The following ADCY2 variants were observed in gnomAD, a reference collection of about 807,000 sequenced individuals.
ADCY2 encodes the protein adenylate cyclase 2.
In ADCY2, 31 loss-of-function variants were observed where a neutral mutation model predicts 125.2. That is an observed-to-expected ratio of 0.25 (90% CI 0.19 to 0.33). The LOEUF is 0.33. Ranked by LOEUF, ADCY2 falls within the 10% of genes least tolerant of loss-of-function variation. The pLI, the probability that ADCY2 is intolerant of heterozygous loss-of-function variation, is 1.00. For missense variants in ADCY2, 904 were observed against 1,418.2 expected (o/e 0.64, Z 5.82); for synonymous variants, 512 against 548.4 (o/e 0.93, Z 0.93).
At chr5:7,490,538 T>TG (rs2126487558) in intron 2 of ADCY2, among the ~76,000 whole-genome samples, 1 of 152,316 alleles carries the variant, frequency 6.6e-6, no homozygotes, top group East Asian at 1.9e-4. Flanking sequence ...TCTCCTAGTC[T>TG]GATTTTATTG....
intron 2 of ADCY2, among the ~76,000 whole-genome samples, chr5:7,517,504 T>G (rs1428110858): frequency 6.6e-6 from 1 of 152,186 alleles, no homozygotes; most frequent in Admixed American, 6.5e-5. Context: ...AAGAACATTC[T>G]CCCTATGGGA....
At position 7,709,898 on chromosome 5, in the gene ADCY2, C is replaced by A. The variant is rs1429962140; in HGVS notation, c.1578+511C>A. On this transcript the variant is annotated intron_variant, in intron 10 of 24. Coordinates refer to ENST00000338316, the MANE Select transcript of ADCY2 (RefSeq NM_020546.3). The surrounding 1 kb of genome is among the most constrained non-coding windows in gnomAD (Gnocchi z 4.4). ...AGAAAGCTCCTTACACCAGGGACAT[C>A]TGCGATAAGATGGCTGCAATGGAGA... Among the ~76,000 whole-genome samples the A allele has an allele frequency of 6.6e-6, 1 of 152,126 alleles. No homozygotes were observed. Among genetic ancestry groups the A allele is most frequent in the Non-Finnish European group, 1.5e-5 (1 of 68,034 alleles).
chr5:7,435,895 C>T (rs1740781486), intron 2 of ADCY2, among the ~76,000 whole-genome samples: 1 of 152,168 alleles, frequency 6.6e-6, no homozygotes, highest in South Asian at 2.1e-4. Flanking sequence ...TAATGGTGGA[C>T]TTCTGTAGAA....
At chr5:7,560,457 G>T (rs11134240) in intron 3 of ADCY2, among the ~76,000 whole-genome samples, 45,623 of 152,048 alleles carry the variant, frequency 0.3, 8,004 homozygotes, top group Non-Finnish European at 0.4. Flanking sequence ...TCTAGTGCAA[G>T]GGAGAAAATG....
At chr5:7,539,816 A>C (rs959377697) in intron 3 of ADCY2, among the ~76,000 whole-genome samples, 1 of 152,228 alleles carries the variant, frequency 6.6e-6, no homozygotes, top group Non-Finnish European at 1.5e-5. Context: ...CTTTATGTAC[A>C]AACATAGGCA....
intron 3 of ADCY2, among the ~76,000 whole-genome samples, chr5:7,611,419 G>C (rs955341644): frequency 6.6e-6 from 1 of 151,980 alleles, no homozygotes; most frequent in African/African-American, 2.4e-5. Context: ...GGTACCTCTG[G>C]ACTAATAGTT....
chr5:7,480,630 T>G (rs184249486), intron 2 of ADCY2, among the ~76,000 whole-genome samples: 151 of 151,762 alleles, frequency 9.9e-4, no homozygotes, highest in South Asian at 1.7e-3. Context: ...AGGGGGAGGA[T>G]CCGGAAAAAT....
At chr5:7,691,316 G>A (rs1740696456) in intron 5 of ADCY2, 1 of 152,374 alleles carries the variant, frequency 6.6e-6, no homozygotes, top group Admixed American at 6.5e-5. Flanking sequence ...TCTCAGGTCT[G>A]GAAGACCAGT....
chr5:7,675,752 T>C (rs898131736), intron 4 of ADCY2, among the ~76,000 whole-genome samples: 23 of 152,186 alleles, frequency 1.5e-4, no homozygotes, highest in African/African-American at 5.5e-4. Context: ...CTCTAGAATG[T>C]TAATGAAATG....
chr5:7,752,894 C>CTTTT (rs11319936), intron 15 of ADCY2, among the ~76,000 whole-genome samples: 1 of 94,384 alleles, frequency 1.1e-5, no homozygotes, highest in Non-Finnish European at 2.1e-5. Context: ...TAGGATTTTC[C>CTTTT]TTTTTTTTTT....
intron 2 of ADCY2, among the ~76,000 whole-genome samples, chr5:7,490,863 G>A (rs186677578): frequency 2.8e-4 from 42 of 152,288 alleles, no homozygotes; most frequent in Admixed American, 5.2e-4. Flanking sequence ...CACAGTCACC[G>A]TAAGTCAGGT....
intron 4 of ADCY2, among the ~76,000 whole-genome samples, chr5:7,635,937 C>T (rs1204499086): frequency 6.6e-6 from 1 of 152,168 alleles, no homozygotes; most frequent in Non-Finnish European, 1.5e-5. Flanking sequence ...TTCCCATGTG[C>T]CTTTCATGGG....
At chr5:7,623,160 T>C (rs1239189589) in intron 3 of ADCY2, among the ~76,000 whole-genome samples, 1 of 152,184 alleles carries the variant, frequency 6.6e-6, no homozygotes, top group African/African-American at 2.4e-5. Flanking sequence ...CTTCATTCAG[T>C]TCTGTTGCTT....
intron 2 of ADCY2, among the ~76,000 whole-genome samples, chr5:7,441,105 A>G (rs1406791222): frequency 6.6e-6 from 1 of 152,190 alleles, no homozygotes; most frequent in East Asian, 1.9e-4. Flanking sequence ...TCTTAGGAAG[A>G]AAGGAATTTT....
chr5:7,612,782 C>T (rs887881716), intron 3 of ADCY2, among the ~76,000 whole-genome samples: 4 of 152,052 alleles, frequency 2.6e-5, no homozygotes, highest in Admixed American at 6.6e-5. Flanking sequence ...TTTGGGAGGC[C>T]GAGGCTGGCG....
intron 2 of ADCY2, among the ~76,000 whole-genome samples, chr5:7,465,386 A>ATTGTTGTTG (rs1452919369): frequency 2.0e-5 from 3 of 152,166 alleles, no homozygotes; most frequent in African/African-American, 7.2e-5. Flanking sequence ...CAGAGTCAGT[A>ATTGTTGTTG]TCCACCTTCC....
intron 2 of ADCY2, among the ~76,000 whole-genome samples, chr5:7,447,753 G>A (rs1741324738): frequency 1.3e-5 from 2 of 152,176 alleles, no homozygotes; most frequent in South Asian, 2.1e-4. Context: ...CAGGGCCAAA[G>A]GTGGAAGATG....
intron 1 of ADCY2, among the ~76,000 whole-genome samples, chr5:7,397,900 C>G (rs1021950866): frequency 1.3e-4 from 20 of 152,168 alleles, no homozygotes; most frequent in Non-Finnish European, 2.2e-4. Context: ...CTCACTCTCT[C>G]CACATGTAAC....
At chr5:7,517,793 T>C (rs1027084228) in intron 2 of ADCY2, among the ~76,000 whole-genome samples, 2 of 152,222 alleles carry the variant, frequency 1.3e-5, no homozygotes, top group East Asian at 1.9e-4. Flanking sequence ...CCGAAGTATA[T>C]TTTAATGGAG....
Sources: gnomAD v4.1 joint callset for allele counts (sites outside exome capture counted in the v4.1 genomes callset) on GRCh38, gnomAD v4.1.1 for gene constraint, Gnocchi (gnomAD v3.1) non-coding constraint, MANE v1.5 for transcripts, NCBI Gene and HGNC (gene_info 2026-07-23, HGNC 2026-07-21) for gene names.